The following TAF1A variants were observed in gnomAD, a reference collection of about 807,000 sequenced individuals.
The protein encoded by TAF1A is TATA box-binding protein-associated factor RNA polymerase I subunit A.
TAF1A carries 42 observed loss-of-function variants against 61.6 expected under a neutral mutation model. The observed-to-expected ratio is 0.68, with a 90% CI of 0.53 to 0.88. The LOEUF is 0.88. TAF1A is among the 40% of genes least tolerant of loss of function. The pLI is 0.00. For missense variants in TAF1A, 424 were observed against 518.7 expected (o/e 0.82, Z 1.77); for synonymous variants, 179 against 177.7 (o/e 1.01, Z -0.06).
At chr1:222,563,981 C>A in intron 8 of TAF1A, 78 bp downstream of exon 8, 2 of 848,910 alleles carry the variant, frequency 2.4e-6, no homozygotes. Flanking sequence ...GTGGATTTAG[C>A]CGATGGGCTA....
At chr1:222,582,593 G>T (rs896155044) in intron 3 of TAF1A, among the ~76,000 whole-genome samples, 2 of 151,874 alleles carry the variant, frequency 1.3e-5, no homozygotes, top group Non-Finnish European at 1.5e-5. Flanking sequence ...CCACTCCCAG[G>T]TGTAGACCCA....
At position 222,580,283 on chromosome 1, in the gene TAF1A, C is replaced by T. The variant is rs1005994361; in HGVS notation, c.292-411G>A. On this transcript the variant is annotated intron_variant, in intron 3 of 10. Transcript: ENST00000352967. ...TCTGCAAAATGAGGGCAACAAACTA[C>T]ACATTTCCTGAGAGCCCATCAAATT... 2.6e-5 allele frequency among the ~76,000 whole-genome samples: 4 copies of T among 152,168 alleles called. No homozygotes were observed. The South Asian group carries it at 8.3e-4, about 32-fold the overall frequency.
intron 7 of TAF1A, among the ~76,000 whole-genome samples, chr1:222,568,259 GA>G (rs900604044): frequency 1.3e-3 from 189 of 143,744 alleles, no homozygotes; most frequent in African/African-American, 4.5e-3. Context: ...AACCATAAAA[GA>G]AAAAAAAATG....
intron 9 of TAF1A, among the ~76,000 whole-genome samples, chr1:222,562,225 G>T (rs978473572): frequency 1.3e-5 from 2 of 152,154 alleles, no homozygotes; most frequent in Non-Finnish European, 2.9e-5. Flanking sequence ...GGGAGCACCT[G>T]AACTCTACTC....
At chr1:222,561,255 C>T in intron 10 of TAF1A, 109 bp downstream of exon 10, 1 of 1,141,272 alleles carries the variant, frequency 8.8e-7, no homozygotes, top group Non-Finnish European at 1.2e-6. Flanking sequence ...GTCTTAAGCA[C>T]CTAATATTTT....
chr1:222,554,348 G>A (rs1330901695), downstream of TAF1A, among the ~76,000 whole-genome samples: 1 of 152,214 alleles, frequency 6.6e-6, no homozygotes, highest in African/African-American at 2.4e-5. Context: ...AAACAACATA[G>A]AAGTCAGCTT....
chr1:222,579,672 T>C, intron 4 of TAF1A, 87 bp downstream of exon 4: 2 of 1,481,518 alleles, frequency 1.3e-6, no homozygotes, highest in Non-Finnish European at 1.8e-6. Context: ...CCCACATTTT[T>C]TAGGTTAACT....
At chr1:222,563,836 A>C (rs568819179) in intron 8 of TAF1A, among the ~76,000 whole-genome samples, 2 of 152,346 alleles carry the variant, frequency 1.3e-5, no homozygotes, top group South Asian at 4.1e-4. Flanking sequence ...CCAGATAATA[A>C]ATATTTTAAG....
At chr1:222,556,474 G>A (rs151127002), downstream of TAF1A, among the ~76,000 whole-genome samples, 79 of 152,306 alleles carry the variant, frequency 5.2e-4, no homozygotes, top group Non-Finnish European at 1.0e-3. Context: ...CAACACCTAT[G>A]AGCTGTGACC....
chr1:222,577,883 G>C (rs1660638285), intron 4 of TAF1A, among the ~76,000 whole-genome samples: 1 of 152,086 alleles, frequency 6.6e-6, no homozygotes, highest in African/African-American at 2.4e-5. Flanking sequence ...GTGATATAGT[G>C]GGGAAAAAAG....
rs766767312 is a variant in TAF1A, at chr1:222,561,527, G to T, written c.1086-9C>A. ...CCCACGCAAGGTGGTTTCTGGAAAA[G>T]AAAAATGTCAAAAGAGAGGGTCAAT... On this transcript the variant is annotated splice_polypyrimidine_tract_variant and intron_variant, in intron 9 of 10. Coordinates refer to ENST00000352967, the MANE Select transcript of TAF1A (RefSeq NM_005681.4). 3.2e-6 allele frequency: 5 copies of T among 1,583,580 alleles called. No homozygotes were observed. In the African/African-American group the frequency reaches 6.8e-5, roughly 22 times the overall value.
Position 222,561,477 on chromosome 1 carries a change from T to C in TAF1A, c.1127A>G (p.Lys376Arg), listed in dbSNP as rs1206631586. Residue 376 changes from lysine (K) to arginine (R), a missense_variant, in exon 10 of 11, where the codon AAA becomes AGA. By Grantham distance (26) the Lys-to-Arg change is conservative. Transcript: ENST00000352967. ...GAAATGAAAGCCTGGCCACCAGTTT[T>C]TCCTGGAGTTCCACTCTTCTTGAAC... ...AWVQEEWNSRKNWWPGFHFSY... is the reference protein window; with the variant it reads ...AWVQEEWNSRRNWWPGFHFSY... 1.2e-6 allele frequency: 2 copies of C among 1,612,382 alleles called. No homozygotes were observed. The highest frequency in any genetic ancestry group is 1.7e-6 in the Non-Finnish European group (2 of 1,179,222).
At chr1:222,573,628 T>C (rs577542981) in intron 5 of TAF1A, among the ~76,000 whole-genome samples, 2 of 152,238 alleles carry the variant, frequency 1.3e-5, no homozygotes, top group Admixed American at 6.5e-5. Flanking sequence ...GTGGAGAAAT[T>C]TGTACCCTCA....
intron 4 of TAF1A, 51 bp downstream of exon 4, chr1:222,579,708 G>T (rs371696287): frequency 1.2e-4 from 175 of 1,408,838 alleles, no homozygotes; most frequent in Non-Finnish European, 1.5e-4. Context: ...CAAGCAATTA[G>T]AAAAAAAAAA....
intron 3 of TAF1A, among the ~76,000 whole-genome samples, chr1:222,580,182 GGAA>G (rs1660733520): frequency 6.6e-6 from 1 of 152,096 alleles, no homozygotes; most frequent in Admixed American, 6.6e-5. Flanking sequence ...TGGTATGGAA[GGAA>G]GAATATTAAA....
At chr1:222,588,374 T>C in intron 2 of TAF1A, 69 bp downstream of exon 2, 1 of 1,543,474 alleles carries the variant, frequency 6.5e-7, no homozygotes, top group Non-Finnish European at 8.8e-7. Context: ...TGGTTATTCA[T>C]TTTGTATCCC....
intron 7 of TAF1A, 64 bp from the exon 8 acceptor site, chr1:222,564,189 T>TA (rs1210490633): frequency 2.7e-6 from 3 of 1,096,590 alleles, no homozygotes; most frequent in Non-Finnish European, 4.0e-6. Context: ...AATTTCAGCT[T>TA]ACTTTCAAAA....
chr1:222,579,141 A>T (rs1044169388), intron 4 of TAF1A, among the ~76,000 whole-genome samples: 1 of 152,206 alleles, frequency 6.6e-6, no homozygotes, highest in African/African-American at 2.4e-5. Flanking sequence ...TTCCACTCAC[A>T]GTATACCTGG....
In TAF1A at chr1:222,588,545, C is replaced by G. The variant is rs773074949; in HGVS notation, c.19G>C (p.Glu7Gln). Residue 7 changes from glutamate (E) to glutamine (Q), a missense_variant, in exon 2 of 11, where the codon GAA becomes CAA. By Grantham distance (29) the Glu-to-Gln change is conservative. Coordinates refer to ENST00000352967, the MANE Select transcript of TAF1A (RefSeq NM_005681.4). ...TCATCTGTCACAGGCCCTTTTAATT[C>G]TTCACTGAAATCACTCATACCTATT... is the stretch of plus-strand genomic sequence containing the variant. Reference protein sequence around the residue: MSDFSEELKGPVTDDEE... With the variant: MSDFSEQLKGPVTDDEE... The G allele has an allele frequency of 1.7e-5, 27 of 1,613,806 alleles. No individual in the cohort carries two copies. Among genetic ancestry groups the G allele is most frequent in the African/African-American group, 2.7e-5 (2 of 74,916 alleles).
Sources: allele counts gnomAD v4.1 joint callset (sites outside exome capture counted in the v4.1 genomes callset), GRCh38; gene constraint gnomAD v4.1.1; transcripts MANE v1.5; gene names NCBI Gene and HGNC (gene_info 2026-07-23, HGNC 2026-07-21).